Variants in AFF3 observed in about 807,000 individuals in gnomAD.
AFF3 encodes the protein AF4/FMR2 family member 3.
A neutral mutation model predicts 129.7 loss-of-function variants in AFF3; 32 were observed. The observed-to-expected ratio is 0.25, with a 90% CI of 0.19 to 0.33. The LOEUF is 0.33. Ranked by LOEUF, AFF3 falls within the 10% of genes least tolerant of loss-of-function variation. The probability of loss-of-function intolerance (pLI) is 1.00; values close to 1 mark genes in which losing one functional copy is unlikely to be tolerated. For synonymous variants in AFF3, 644 were observed against 635.4 expected (o/e 1.01, Z -0.20); for missense variants, 1,373 against 1,592.0 (o/e 0.86, Z 2.34).
chr2:99,553,918 C>CAAAAAAAAAAAAAAAAAAAAAAAAAA (rs61326965), intron 24 of AFF3, among the ~76,000 whole-genome samples: 4 of 56,972 alleles, frequency 7.0e-5, no homozygotes, highest in Non-Finnish European at 9.4e-5. Context: ...TGTCTCAAAC[C>CAAAAAAAAAAAAAAAAAAAAAAAAAA]AAAAAAAAAA....
At chr2:99,786,088 C>G (rs894057236) in intron 8 of AFF3, among the ~76,000 whole-genome samples, 4 of 152,186 alleles carry the variant, frequency 2.6e-5, no homozygotes, top group African/African-American at 4.8e-5. Context: ...GCCTGATGCC[C>G]CATGGCCATT....
intron 4 of AFF3, among the ~76,000 whole-genome samples, chr2:100,050,998 A>T (rs1213209869): frequency 2.0e-5 from 3 of 152,148 alleles, no homozygotes; most frequent in Non-Finnish European, 4.4e-5. Flanking sequence ...ACTGCCCAAC[A>T]TGCTCTCCGC....
chr2:99,763,659 C>T (rs1682791130), intron 8 of AFF3, among the ~76,000 whole-genome samples: 1 of 152,198 alleles, frequency 6.6e-6, no homozygotes, highest in African/African-American at 2.4e-5. Flanking sequence ...ATATCTATTT[C>T]TCATAGTATA....
intron 4 of AFF3, among the ~76,000 whole-genome samples, chr2:100,021,485 C>T (rs751850364): frequency 6.6e-6 from 1 of 152,180 alleles, no homozygotes; most frequent in Non-Finnish European, 1.5e-5. Flanking sequence ...ACACACAGAA[C>T]TAAACCCCAT....
chr2:100,024,998 G>A (rs78084028), intron 4 of AFF3, among the ~76,000 whole-genome samples: 15,265 of 152,062 alleles, frequency 0.1, 1,071 homozygotes, highest in Non-Finnish European at 0.14. Context: ...AAAGCATTAT[G>A]TTTTAAAAAT....
intron 2 of AFF3, among the ~76,000 whole-genome samples, chr2:100,111,900 T>C (rs1691522613): frequency 6.6e-6 from 1 of 152,234 alleles, no homozygotes; most frequent in African/African-American, 2.4e-5. Flanking sequence ...AGTCTCCACA[T>C]GAATGTTTCC....
chr2:100,103,016 C>A (rs1573431736), intron 4 of AFF3, among the ~76,000 whole-genome samples: 1 of 150,426 alleles, frequency 6.6e-6, no homozygotes, highest in East Asian at 2.0e-4. Context: ...TACATTAGGG[C>A]CCGTCCTTGT....
chr2:99,791,991 G>A (rs1685231003), intron 8 of AFF3, among the ~76,000 whole-genome samples: 1 of 152,054 alleles, frequency 6.6e-6, no homozygotes, highest in South Asian at 2.1e-4. Context: ...TTAGCTGTGA[G>A]TTCAGTGTTA....
At chr2:100,053,175 A>G (rs1196860098) in intron 4 of AFF3, among the ~76,000 whole-genome samples, 2 of 152,220 alleles carry the variant, frequency 1.3e-5, no homozygotes, top group African/African-American at 4.8e-5. Flanking sequence ...CAGTTGAAAA[A>G]TTATGTTTTA....
At chr2:100,070,599 G>A (rs562184749) in intron 4 of AFF3, among the ~76,000 whole-genome samples, 45 of 152,194 alleles carry the variant, frequency 3.0e-4, no homozygotes, top group African/African-American at 1.0e-3. Context: ...TTTGCACACC[G>A]TTTCATACAT....
chr2:99,778,870 TTGTGTG>T (rs60512639), intron 8 of AFF3, among the ~76,000 whole-genome samples: 7 of 138,394 alleles, frequency 5.1e-5, no homozygotes, highest in East Asian at 2.1e-4. Flanking sequence ...ACCTATAATT[TTGTGTG>T]TGTGTGTGTG....
intron 7 of AFF3, among the ~76,000 whole-genome samples, chr2:99,979,796 A>G (rs1204248738): frequency 6.6e-6 from 1 of 152,078 alleles, no homozygotes. Context: ...TCTGTTCTTT[A>G]CCTTTTATTT....
chr2:99,833,428 A>G (rs953722302), intron 8 of AFF3, among the ~76,000 whole-genome samples: 10 of 152,338 alleles, frequency 6.6e-5, no homozygotes, highest in Admixed American at 3.3e-4. Context: ...ATTTTGCAGC[A>G]CACTGGAATT....
intron 8 of AFF3, among the ~76,000 whole-genome samples, chr2:99,766,040 C>A (rs918640818): frequency 7.9e-5 from 12 of 152,172 alleles, no homozygotes; most frequent in African/African-American, 2.9e-4. Flanking sequence ...CTTGCAGGCA[C>A]CAGCTTGGGT....
chr2:99,898,100 C>G (rs1694100320), intron 7 of AFF3, among the ~76,000 whole-genome samples: 1 of 152,174 alleles, frequency 6.6e-6, no homozygotes, highest in African/African-American at 2.4e-5. Flanking sequence ...TATATGAGAA[C>G]CACAGAAAAA....
intron 11 of AFF3, among the ~76,000 whole-genome samples, chr2:99,698,535 A>G (rs537157696): frequency 1.3e-5 from 2 of 152,334 alleles, no homozygotes; most frequent in South Asian, 4.1e-4. Context: ...TGGGCTTTTG[A>G]TATTGAGACA....
intron 7 of AFF3, among the ~76,000 whole-genome samples, chr2:99,974,100 G>A (rs1678648722): frequency 6.6e-6 from 1 of 152,198 alleles, no homozygotes; most frequent in East Asian, 1.9e-4. Flanking sequence ...TATAACGGAG[G>A]TAAATGAAAG....
At chr2:99,905,648 A>G (rs1220711632) in intron 7 of AFF3, among the ~76,000 whole-genome samples, 3 of 152,184 alleles carry the variant, frequency 2.0e-5, no homozygotes, top group Non-Finnish European at 4.4e-5. Context: ...ATATTTCAAA[A>G]ACTATAACAG....
intron 18 of AFF3, among the ~76,000 whole-genome samples, chr2:99,570,033 G>A (rs1676329993): frequency 6.6e-6 from 1 of 152,168 alleles, no homozygotes; most frequent in Non-Finnish European, 1.5e-5. Context: ...CAGAATCACA[G>A]CATAGTTTTG....
Sources: allele counts gnomAD v4.1 joint callset (sites outside exome capture counted in the v4.1 genomes callset), GRCh38; gene constraint gnomAD v4.1.1; transcripts MANE v1.5; gene names NCBI Gene and HGNC (gene_info 2026-07-23, HGNC 2026-07-21).